Variants in MSH3 observed in about 807,000 individuals in gnomAD.
MSH3 encodes DNA mismatch repair protein Msh3.
MSH3 carries 106 observed loss-of-function variants against 123.3 expected under a neutral mutation model. The ratio of observed to expected loss-of-function variants is 0.86; its 90% CI spans 0.73 to 1.01. MSH3 has a LOEUF of 1.01. MSH3 is among the 50% of genes least tolerant of loss of function. MSH3 has a pLI of 0.00. For missense variants in MSH3, 1,459 were observed against 1,347.6 expected (o/e 1.08, Z -1.29); for synonymous variants, 515 against 481.4 (o/e 1.07, Z -0.91).
intron 13 of MSH3, among the ~76,000 whole-genome samples, chr5:80,763,004 G>A (rs867252986): frequency 2.5e-4 from 38 of 151,960 alleles, no homozygotes; most frequent in Middle Eastern, 3.4e-3. Flanking sequence ...CCGCCACTAT[G>A]CCTGGCTAAT....
At chr5:80,794,255 T>G (rs1316584778) in intron 19 of MSH3, among the ~76,000 whole-genome samples, 2 of 152,198 alleles carry the variant, frequency 1.3e-5, no homozygotes, top group African/African-American at 4.8e-5. Context: ...TTGGCTGGAA[T>G]GGCGAATCCT....
chr5:80,873,806 A>C (rs540183510), intron 23 of MSH3, among the ~76,000 whole-genome samples: 79 of 152,340 alleles, frequency 5.2e-4, no homozygotes, highest in Non-Finnish European at 1.6e-4. Flanking sequence ...GCTTATGGGA[A>C]TACTTTCCAC....
chr5:80,729,456 G>GTA (rs1475767389), intron 10 of MSH3, among the ~76,000 whole-genome samples: 4 of 126,892 alleles, frequency 3.2e-5, no homozygotes, highest in South Asian at 2.8e-4. Context: ...GTGTGTGTGT[G>GTA]TGTGTATATA....
chr5:80,687,447 T>C (rs1256515874), intron 8 of MSH3, among the ~76,000 whole-genome samples: 1 of 152,226 alleles, frequency 6.6e-6, no homozygotes, highest in Non-Finnish European at 1.5e-5. Context: ...ACATCACAAA[T>C]GACACTCAAT....
chr5:80,870,829 A>G (rs1746199945), intron 22 of MSH3, among the ~76,000 whole-genome samples: 1 of 152,252 alleles, frequency 6.6e-6, no homozygotes, highest in South Asian at 2.1e-4. Context: ...AAATGAAATA[A>G]TGATTGAGAA....
At chr5:80,861,098 T>A (rs570747579) in intron 21 of MSH3, among the ~76,000 whole-genome samples, 31 of 152,346 alleles carry the variant, frequency 2.0e-4, no homozygotes, top group African/African-American at 7.5e-4. Flanking sequence ...GCCCTTAGCA[T>A]ACTAATCAGT....
intron 1 of MSH3, 147 bp downstream of exon 1, chr5:80,655,111 C>T (rs1463603237): frequency 1.9e-6 from 1 of 531,944 alleles, no homozygotes; most frequent in African/African-American, 2.0e-5. Flanking sequence ...GGGAAGAGCC[C>T]AGCCGGGGCT....
At chr5:80,789,208 T>C (rs1393916990) in intron 18 of MSH3, among the ~76,000 whole-genome samples, 1 of 152,190 alleles carries the variant, frequency 6.6e-6, no homozygotes, top group Non-Finnish European at 1.5e-5. Flanking sequence ...ACAAATACTT[T>C]CATTTTTTTC....
intron 8 of MSH3, among the ~76,000 whole-genome samples, chr5:80,706,748 A>G (rs1412692104): frequency 6.6e-6 from 1 of 152,216 alleles, no homozygotes; most frequent in Non-Finnish European, 1.5e-5. Context: ...ATCTTATGCC[A>G]AAAATATATT....
intron 19 of MSH3, among the ~76,000 whole-genome samples, chr5:80,797,903 C>G (rs1482811724): frequency 2.0e-5 from 3 of 152,086 alleles, no homozygotes; most frequent in East Asian, 3.9e-4. Flanking sequence ...GAAACCCCAG[C>G]GAACCCACTG....
At position 80,747,642 on chromosome 5, in the gene MSH3, T is replaced by TC. The variant is rs201262190; in HGVS notation, c.1763+3028dup. Among the ~76,000 whole-genome samples the TC allele has an allele frequency of 5.0e-3, 765 of 152,330 alleles. 4 individuals are homozygous for TC. Among genetic ancestry groups the TC allele is most frequent in the Middle Eastern group, 0.01 (3 of 294 alleles). ...GAGAATCTGCTGATTAGTCAGTGGC[T>TC]CAGCTATATAATTAGTCATGTACCA... On this transcript the variant is annotated intron_variant, in intron 12 of 23. Coordinates refer to ENST00000265081, the MANE Select transcript of MSH3 (RefSeq NM_002439.5).
At chr5:80,806,319 A>G (rs1009284839) in intron 19 of MSH3, among the ~76,000 whole-genome samples, 3 of 150,688 alleles carry the variant, frequency 2.0e-5, no homozygotes, top group Non-Finnish European at 1.5e-5. Flanking sequence ...CTGCTCTCGA[A>G]CTCCTGACCT....
At chr5:80,692,579 GAGAGATAAACATGTATATGTTTAT>G (rs1561445127) in intron 8 of MSH3, among the ~76,000 whole-genome samples, 10 of 86,976 alleles carry the variant, frequency 1.1e-4, no homozygotes, top group Non-Finnish European at 1.9e-4. Context: ...TGTTTATATA[GAGAGATAAACATGTATATGTTTAT>G]ATAGATGAAT....
At chr5:80,834,484 A>T (rs1365127151) in intron 20 of MSH3, among the ~76,000 whole-genome samples, 1 of 149,690 alleles carries the variant, frequency 6.7e-6, no homozygotes, top group Non-Finnish European at 1.5e-5. Flanking sequence ...TGTTATATAT[A>T]TTTATCATAA....
At chr5:80,744,637 G>C (rs754485683) in intron 12 of MSH3, 22 bp downstream of exon 12, 4 of 1,536,488 alleles carry the variant, frequency 2.6e-6, no homozygotes, top group Middle Eastern at 3.4e-4. Flanking sequence ...TCTTTTTGGG[G>C]TGTTTAATCT....
chr5:80,692,955 A>G (rs1336402580), intron 8 of MSH3, among the ~76,000 whole-genome samples: 2 of 84,886 alleles, frequency 2.4e-5, no homozygotes, highest in Non-Finnish European at 4.8e-5. Flanking sequence ...GCACATGTAT[A>G]TGTTTAGATA....
intron 12 of MSH3, 127 bp downstream of exon 12, chr5:80,744,742 G>C: frequency 1.3e-6 from 1 of 750,612 alleles, no homozygotes; most frequent in South Asian, 1.6e-5. Flanking sequence ...TTTTATTTTA[G>C]AACTGAGCAA....
intron 10 of MSH3, among the ~76,000 whole-genome samples, chr5:80,736,197 A>G (rs245010): frequency 0.72 from 109,898 of 151,602 alleles, 39,994 homozygotes; most frequent in African/African-American, 0.81. Context: ...TTGCACTCCA[A>G]CCTGGGTGAC....
rs548919219 is a variant in MSH3 at position 80,725,788 on chromosome 5, A to G, written c.1453+223A>G. On this transcript the variant is annotated intron_variant, in intron 9 of 23. Transcript: ENST00000265081. ...TCGCCTGAGCCCAGGAGTTCGAGGCAGCAATGAGCTATTATCATGCCATTG... is the reference window on the plus strand; with the variant it reads ...TCGCCTGAGCCCAGGAGTTCGAGGCGGCAATGAGCTATTATCATGCCATTG... 4.6e-5 allele frequency among the ~76,000 whole-genome samples: 7 copies of G among 152,294 alleles called. No individual in the cohort carries two copies. In the South Asian group the frequency reaches 1.5e-3, roughly 32 times the overall value.
Sources: gnomAD v4.1 joint callset for allele counts (sites outside exome capture counted in the v4.1 genomes callset) on GRCh38, gnomAD v4.1.1 for gene constraint, MANE v1.5 for transcripts, NCBI Gene and HGNC (gene_info 2026-07-23, HGNC 2026-07-21) for gene names.